DENND4A: variants seen among roughly 807,000 people sequenced by gnomAD.
DENND4A encodes the protein DENN domain containing 4A, also known as C-myc promoter-binding protein.
In DENND4A, 70 loss-of-function variants were observed where a neutral mutation model predicts 199.3. The ratio of observed to expected loss-of-function variants is 0.35; its 90% CI spans 0.29 to 0.43. The LOEUF (loss-of-function observed/expected upper bound fraction) is 0.43, where lower values mean the gene tolerates loss of function less well. Among genes scored for constraint, DENND4A ranks in the 20% least tolerant of loss-of-function variants. The pLI is 1.00. For missense variants in DENND4A, 1,723 were observed against 2,255.8 expected, an observed-to-expected ratio of 0.76 and a Z score of 4.78; for synonymous variants, 686 against 766.9, an observed-to-expected ratio of 0.89 and a Z score of 1.74.
In DENND4A at chr15:65,745,014, T is replaced by C. The variant is rs535380396; in HGVS notation, c.562-3230A>G. Among the ~76,000 whole-genome samples, 170 of 152,338 alleles carry C rather than the reference T, an allele frequency of 1.1e-3. 1 individual carries two copies. The highest frequency in any genetic ancestry group is 3.7e-3 in the African/African-American group (152 of 41,588). ...CTGAATATAAATTATTTTCCAACTT[T>C]GGTTTCTCTGATATTTAGTTCACAC... On this transcript the variant is annotated intron_variant, in intron 4 of 32. Transcript: ENST00000443035.
chr15:65,736,503 T>C (rs1228440628), intron 7 of DENND4A, among the ~76,000 whole-genome samples: 1 of 151,132 alleles, frequency 6.6e-6, no homozygotes, highest in Non-Finnish European at 1.5e-5. Flanking sequence ...TGACCTCAGG[T>C]GATTCACCTG....
At chr15:65,781,125 CAGA>C (rs2077424917) in intron 1 of DENND4A, among the ~76,000 whole-genome samples, 6 of 152,110 alleles carry the variant, frequency 3.9e-5, no homozygotes, top group Admixed American at 3.3e-4. Flanking sequence ...GCATTCCAGG[CAGA>C]AGGACTACAT....
chr15:65,696,859 G>A (rs906275303), intron 21 of DENND4A: 6 of 308,792 alleles, frequency 1.9e-5, no homozygotes, highest in East Asian at 8.4e-5. Flanking sequence ...TGCTGATGTC[G>A]TAACAAGGTT....
intron 9 of DENND4A, chr15:65,731,367 C>T: frequency 2.1e-6 from 1 of 476,122 alleles, no homozygotes; most frequent in Non-Finnish European, 4.1e-6. Flanking sequence ...AATAACTGTT[C>T]TCATCATCTA....
At chr15:65,694,819 T>C (rs535879096) in intron 22 of DENND4A, among the ~76,000 whole-genome samples, 1 of 152,310 alleles carries the variant, frequency 6.6e-6, no homozygotes, top group South Asian at 2.1e-4. Flanking sequence ...CTCTACACTT[T>C]TATAAAATTC....
chr15:65,716,648 T>A (rs1363837217), intron 13 of DENND4A, among the ~76,000 whole-genome samples: 1 of 152,100 alleles, frequency 6.6e-6, no homozygotes, highest in Admixed American at 6.5e-5. Context: ...TCTATCATTG[T>A]TGGACATTTG....
At chr15:65,677,792 T>C (rs1207993529) in intron 23 of DENND4A, among the ~76,000 whole-genome samples, 1 of 152,194 alleles carries the variant, frequency 6.6e-6, no homozygotes, top group East Asian at 1.9e-4. Flanking sequence ...TATGTACATA[T>C]ACAGTTTTAT....
chr15:65,702,037 T>C, intron 17 of DENND4A, 147 bp from the exon 18 acceptor site: 1 of 1,160,524 alleles, frequency 8.6e-7, no homozygotes, highest in Non-Finnish European at 1.2e-6. Flanking sequence ...GCAAGGCAGG[T>C]GAAGCTCTGG....
intron 29 of DENND4A, 61 bp from the exon 30 acceptor site, chr15:65,665,523 T>C: frequency 7.8e-7 from 1 of 1,285,424 alleles, no homozygotes; most frequent in Non-Finnish European, 1.1e-6. Context: ...ATAAGTATTT[T>C]ATAAAATTCT....
rs1171719952 is a variant in DENND4A at position 65,702,726 on chromosome 15, C to G, written c.2223+147G>C. On this transcript the variant is annotated intron_variant, in intron 16 of 32. Coordinates refer to ENST00000443035, the MANE Select transcript of DENND4A (RefSeq NM_001320835.1). ...AGAGAACTAGTTAATTTCTTGAAGT[C>G]AGATTGCTCCATCTTCACAGTGCTT... The G allele has an allele frequency of 3.3e-6, 3 of 908,838 alleles. No individual in the cohort carries two copies. The African/African-American group carries it at 5.0e-5, about 15-fold the overall frequency. The allele number at this position is 908,838 out of a possible 1,614,324, so 56.3% of individuals were successfully genotyped here.
At chr15:65,764,548 T>C (rs1417457486) in intron 1 of DENND4A, among the ~76,000 whole-genome samples, 1 of 152,084 alleles carries the variant, frequency 6.6e-6, no homozygotes, top group East Asian at 1.9e-4. Context: ...TGAGAATTGC[T>C]TGAACCCTGG....
At chr15:65,768,836 A>G (rs1335863583) in intron 1 of DENND4A, among the ~76,000 whole-genome samples, 3 of 151,916 alleles carry the variant, frequency 2.0e-5, no homozygotes, top group African/African-American at 2.4e-5. Context: ...ATACAAAAAA[A>G]AGAAAAAAAT....
At chr15:65,704,487 C>T (rs2074979121) in intron 15 of DENND4A, among the ~76,000 whole-genome samples, 1 of 152,210 alleles carries the variant, frequency 6.6e-6, no homozygotes, top group Non-Finnish European at 1.5e-5. Flanking sequence ...ATCCTTCCAC[C>T]TCAGCCTCCT....
Position 65,792,090 on chromosome 15 carries a change from G to C in DENND4A, c.-182C>G, listed in dbSNP as rs980148590. The C allele has an allele frequency of 1.3e-5, 2 of 152,564 alleles. No individual in the cohort carries two copies. The highest frequency in any genetic ancestry group is 2.9e-5 in the Non-Finnish European group (2 of 68,118). 9.5% of individuals were successfully genotyped at this position (152,564 alleles called of 1,614,324 possible). A position where few individuals can be genotyped will look rare whatever the true frequency, so the allele number is the denominator to read the frequency against. On this transcript the variant is annotated 5_prime_UTR_variant, in exon 1 of 33. Transcript: ENST00000443035. ...TCCCGCACGCGCGGTAGCGGAACAC[G>C]AGGGGCTGAATGCCGCGGCGCTCTG...
chr15:65,661,924 G>A lies in DENND4A; in HGVS notation c.5651C>T (p.Thr1884Ile), dbSNP rs766488284. The A allele has an allele frequency of 4.3e-6, 7 of 1,613,216 alleles. No individual in the cohort carries two copies. The East Asian group carries it at 1.3e-4, about 31-fold the overall frequency. ...ACTTGGTGGTCTATCACAGTTGTGT[G>A]TACTCTTGACTTGACTAGGTGTGAG... ...DRLTPSQVKS[T>I]HNCDRPPSTG... Residue 1884 changes from threonine (T) to isoleucine (I), a missense_variant, in exon 33 of 33, where the codon ACA (threonine) becomes ATA (isoleucine). By Grantham distance (89) the Thr-to-Ile change is moderately conservative (BLOSUM62 -1). This residue lies in a region of DENND4A where 164 missense variants were observed against 280.1 expected (regional missense o/e 0.59). Coordinates refer to ENST00000443035, the MANE Select transcript of DENND4A (RefSeq NM_001320835.1).
chr15:65,729,309 C>T lies in DENND4A; in HGVS notation c.1312-62G>A, dbSNP rs1005028841. ...TTAACACTGAAGCATAATTTATCAG[C>T]ACACACAAAAAACTGTCTTTTAAGT... On this transcript the variant is annotated intron_variant, in intron 10 of 32. Transcript: ENST00000443035. 42 of 1,509,722 alleles carry T rather than the reference C, an allele frequency of 2.8e-5. No individual in the cohort carries two copies. In the East Asian group the frequency reaches 4.7e-4, roughly 17 times the overall value. The allele number at this position is 1,509,722 out of a possible 1,614,324, so 93.5% of individuals were successfully genotyped here.
intron 14 of DENND4A, among the ~76,000 whole-genome samples, chr15:65,706,640 C>T (rs1340099497): frequency 4.6e-5 from 7 of 152,068 alleles, no homozygotes; most frequent in African/African-American, 1.7e-4. Context: ...GGACTACAGG[C>T]GTGTGCCACC....
chr15:65,771,803 T>C, intron 1 of DENND4A: 2 of 1,613,728 alleles, frequency 1.2e-6, no homozygotes, highest in Admixed American at 1.7e-5. Context: ...TCATTGCCCG[T>C]GAGGTCATAC....
chr15:65,684,314 T>C (rs62014384), intron 23 of DENND4A, among the ~76,000 whole-genome samples: 2,257 of 152,322 alleles, frequency 0.015, 20 homozygotes, highest in Non-Finnish European at 0.022. Flanking sequence ...AAAGTGGCTG[T>C]ACCATTTTAC....
Sources: allele counts gnomAD v4.1 joint callset (sites outside exome capture counted in the v4.1 genomes callset), GRCh38; gene constraint gnomAD v4.1.1; regional missense constraint gnomAD v4.1.1; transcripts MANE v1.5; gene names NCBI Gene and HGNC (gene_info 2026-07-23, HGNC 2026-07-21).